Variants in SNX29 observed in about 807,000 individuals in gnomAD.
SNX29 encodes sorting nexin-29.
Under a neutral mutation model 102.1 loss-of-function variants are expected in SNX29, and 78 were observed. That is an observed-to-expected ratio of 0.76 (90% CI 0.64 to 0.92). The LOEUF is 0.92. Ranked by LOEUF, SNX29 falls within the 40% of genes least tolerant of loss-of-function variation. SNX29 has a pLI of 0.00. For synonymous variants in SNX29, 580 were observed against 414.5 expected, an observed-to-expected ratio of 1.40 and a Z score of -4.85; for missense variants, 1,280 against 1,061.7, an observed-to-expected ratio of 1.21 and a Z score of -2.86.
chr16:12,451,473 A>G (rs2870490), intron 18 of SNX29, among the ~76,000 whole-genome samples: 34,882 of 152,182 alleles, frequency 0.23, 4,035 homozygotes, highest in South Asian at 0.34. Flanking sequence ...ATGACCTGTG[A>G]CCTGCTCTGT....
chr16:12,015,248 T>A (rs191096373), intron 3 of SNX29, among the ~76,000 whole-genome samples: 121 of 152,168 alleles, frequency 8.0e-4, no homozygotes, highest in African/African-American at 2.1e-3. Context: ...TCTTTTTTTT[T>A]AATTTTTTAT....
intron 11 of SNX29, among the ~76,000 whole-genome samples, chr16:12,126,039 T>G (rs1353566651): frequency 1.3e-5 from 2 of 152,174 alleles, no homozygotes; most frequent in African/African-American, 4.8e-5. Flanking sequence ...CTATCTAGTC[T>G]GCTGCTCTAG....
chr16:12,268,558 C>A lies in SNX29; in HGVS notation c.1679-9375C>A, dbSNP rs2079001887. Among the ~76,000 whole-genome samples, 3 of 152,186 alleles carry A rather than the reference C, an allele frequency of 2.0e-5. No individual in the cohort carries two copies. The South Asian group carries it at 6.2e-4, about 32-fold the overall frequency. On this transcript the variant is annotated intron_variant, in intron 14 of 20. Coordinates refer to ENST00000566228, the MANE Select transcript of SNX29 (RefSeq NM_032167.5). ...TGGGTAACCGGTGTCTTGTAGACAT[C>A]ATTGGCATCTCACCTGGAAGGGTCC...
intron 14 of SNX29, among the ~76,000 whole-genome samples, chr16:12,236,108 C>G (rs532975719): frequency 6.6e-6 from 1 of 152,222 alleles, no homozygotes; most frequent in South Asian, 2.1e-4. Flanking sequence ...TACTTATTTC[C>G]CAATACTATG....
intron 13 of SNX29, among the ~76,000 whole-genome samples, chr16:12,139,398 A>C (rs2054786818): frequency 6.6e-6 from 1 of 152,166 alleles, no homozygotes; most frequent in Non-Finnish European, 1.5e-5. Flanking sequence ...CCATGAGGGC[A>C]GTGGCCCGTC....
chr16:12,550,345 G>A (rs539735324), intron 20 of SNX29, among the ~76,000 whole-genome samples: 1 of 152,128 alleles, frequency 6.6e-6, no homozygotes, highest in Non-Finnish European at 1.5e-5. Context: ...GACCAGCCTA[G>A]CCAACAAGAG....
rs185899852 is a variant in SNX29, at chr16:12,297,902, G to A, written c.1782+19866G>A. Among the ~76,000 whole-genome samples, 71 of 152,326 alleles carry A rather than the reference G, an allele frequency of 4.7e-4. 1 individual carries two copies. The Middle Eastern group carries it at 0.017, about 36-fold the overall frequency. On this transcript the variant is annotated intron_variant, in intron 15 of 20. Coordinates refer to ENST00000566228, the MANE Select transcript of SNX29 (RefSeq NM_032167.5). ...TAGCACTTATGGGCCAGGCGCTGTG[G>A]CTCATACCTGTAATCCCAGCACTTT...
chr16:12,455,659 C>G (rs1486564816), intron 18 of SNX29, among the ~76,000 whole-genome samples: 4 of 152,196 alleles, frequency 2.6e-5, no homozygotes, highest in African/African-American at 9.7e-5. Flanking sequence ...TTTGCAAAGT[C>G]TTTATTTGTG....
intron 14 of SNX29, among the ~76,000 whole-genome samples, chr16:12,259,956 A>C (rs963697255): frequency 6.6e-6 from 1 of 151,806 alleles, no homozygotes; most frequent in Non-Finnish European, 1.5e-5. Flanking sequence ...TGCCCCATGA[A>C]TGCAGCCGCT....
At chr16:12,108,386 C>G (rs1357794880) in intron 11 of SNX29, among the ~76,000 whole-genome samples, 2 of 152,180 alleles carry the variant, frequency 1.3e-5, no homozygotes, top group East Asian at 3.8e-4. Context: ...AAAAAGACAA[C>G]TGGGCTGGAC....
chr16:12,357,836 G>C (rs2082185136), intron 16 of SNX29, among the ~76,000 whole-genome samples: 1 of 152,164 alleles, frequency 6.6e-6, no homozygotes, highest in Admixed American at 6.5e-5. Context: ...GTTTACTGAA[G>C]ACACTGGATT....
At chr16:12,393,177 C>T (rs991128994) in intron 16 of SNX29, among the ~76,000 whole-genome samples, 1 of 152,148 alleles carries the variant, frequency 6.6e-6, no homozygotes, top group African/African-American at 2.4e-5. Flanking sequence ...TTTGCTGCCT[C>T]CATAGGATCT....
intron 18 of SNX29, among the ~76,000 whole-genome samples, chr16:12,415,596 C>T (rs139440158): frequency 2.6e-5 from 4 of 152,340 alleles, no homozygotes; most frequent in East Asian, 1.9e-4. Flanking sequence ...CCAGGCCCAG[C>T]GTCTGCCTCC....
intron 14 of SNX29, among the ~76,000 whole-genome samples, chr16:12,232,484 G>A (rs1029545429): frequency 3.9e-5 from 6 of 152,252 alleles, no homozygotes; most frequent in African/African-American, 1.4e-4. Flanking sequence ...TCGTGCCACT[G>A]CACTCCAGGC....
At chr16:12,220,288 C>G (rs928935725) in intron 14 of SNX29, among the ~76,000 whole-genome samples, 1 of 116,632 alleles carries the variant, frequency 8.6e-6, no homozygotes, top group Non-Finnish European at 1.7e-5. Flanking sequence ...ATTTCATTTT[C>G]AGTCAGGTTT....
Position 12,486,261 on chromosome 16 carries a change from A to T in SNX29, c.2178+8402A>T, listed in dbSNP as rs143792792. Reference sequence around the variant, plus strand: ...CTCCACTTTGCAGTAATGTGATTAGATTGGGCCCACCCAGATTATCCAGGG... The same window carrying T: ...CTCCACTTTGCAGTAATGTGATTAGTTTGGGCCCACCCAGATTATCCAGGG... On this transcript the variant is annotated intron_variant, in intron 19 of 20. Transcript: ENST00000566228. 2.5e-4 allele frequency among the ~76,000 whole-genome samples: 38 copies of T among 152,230 alleles called. No homozygotes were observed. The East Asian group carries it at 7.2e-3, about 29-fold the overall frequency.
At chr16:12,406,661 A>G (rs2084178669) in intron 18 of SNX29, among the ~76,000 whole-genome samples, 1 of 152,200 alleles carries the variant, frequency 6.6e-6, no homozygotes, top group African/African-American at 2.4e-5. Flanking sequence ...TAATCCCAGC[A>G]CTTTGGGAGG....
chr16:12,154,783 C>T (rs954342884), intron 13 of SNX29, among the ~76,000 whole-genome samples: 8 of 152,170 alleles, frequency 5.3e-5, no homozygotes, highest in African/African-American at 1.9e-4. Context: ...ATAGATGGCA[C>T]CTTCTCCCTG....
At position 12,327,707 on chromosome 16, in the gene SNX29, G is replaced by GGCACAT. The variant is rs1306654743; in HGVS notation, c.1783-28454_1783-28449dup. Among the ~76,000 whole-genome samples the GGCACAT allele has an allele frequency of 1.1e-4, 17 of 147,914 alleles. No homozygotes were observed. The East Asian group carries it at 2.3e-3, about 20-fold the overall frequency. Reference sequence around the variant, plus strand: ...CAGCCTATAATAGATGGAGTTGCTTGGCACATGGAAACAGAGCCGGAGAGA... The same window carrying GGCACAT: ...CAGCCTATAATAGATGGAGTTGCTTGGCACATGCACATGGAAACAGAGCCGGAGAGA... On this transcript the variant is annotated intron_variant, in intron 15 of 20. Transcript: ENST00000566228.
Sources: allele counts gnomAD v4.1 joint callset (sites outside exome capture counted in the v4.1 genomes callset), GRCh38; gene constraint gnomAD v4.1.1; transcripts MANE v1.5; gene names NCBI Gene and HGNC (gene_info 2026-07-23, HGNC 2026-07-21).